MBOAT2: variants seen among roughly 807,000 people sequenced by gnomAD.
MBOAT2 encodes the protein membrane-bound glycerophospholipid O-acyltransferase 2.
Under a neutral mutation model 63.4 loss-of-function variants are expected in MBOAT2, and 28 were observed. That is an observed-to-expected ratio of 0.44 (90% confidence interval 0.33 to 0.61). The LOEUF is 0.61. Ranked by LOEUF, MBOAT2 falls within the 20% of genes least tolerant of loss-of-function variation. MBOAT2 has a pLI of 0.03. For synonymous variants in MBOAT2, 211 were observed against 215.6 expected (o/e 0.98, Z 0.19); for missense variants, 470 against 605.8 (o/e 0.78, Z 2.35).
chr2:8,942,490 T>G (rs1041296157), intron 3 of MBOAT2, among the ~76,000 whole-genome samples: 7 of 152,210 alleles, frequency 4.6e-5, no homozygotes, highest in Admixed American at 2.0e-4. Flanking sequence ...ATGTCTTAGT[T>G]ACCAATCTCC....
intron 4 of MBOAT2, among the ~76,000 whole-genome samples, chr2:8,894,862 G>T (rs766405564): frequency 1.3e-5 from 2 of 151,474 alleles, no homozygotes; most frequent in Non-Finnish European, 2.9e-5. Flanking sequence ...TCTTAAAGGC[G>T]GCACGTCTGG....
chr2:8,994,275 T>G (rs919395840), intron 1 of MBOAT2, among the ~76,000 whole-genome samples: 7 of 151,472 alleles, frequency 4.6e-5, no homozygotes, highest in African/African-American at 1.7e-4. Context: ...GTTATCAGAG[T>G]AGAATACAGT....
chr2:8,925,278 G>A (rs1196252558), intron 3 of MBOAT2, among the ~76,000 whole-genome samples: 1 of 152,118 alleles, frequency 6.6e-6, no homozygotes, highest in African/African-American at 2.4e-5. Flanking sequence ...CCACCTGCCT[G>A]CACACAAGAT....
At chr2:8,959,539 GCAGCCTCTAC>G (rs1669470970) in intron 1 of MBOAT2, among the ~76,000 whole-genome samples, 1 of 150,178 alleles carries the variant, frequency 6.7e-6, no homozygotes, top group Non-Finnish European at 1.5e-5. Flanking sequence ...ACAGCTCACT[GCAGCCTCTAC>G]CTCCCGGGCT....
chr2:8,935,068 C>T (rs779381450), intron 3 of MBOAT2, among the ~76,000 whole-genome samples: 2 of 152,152 alleles, frequency 1.3e-5, no homozygotes, highest in Admixed American at 6.5e-5. Context: ...CATGGCAGCC[C>T]GAGCTGCCTC....
chr2:8,961,923 T>C (rs1449426627), intron 1 of MBOAT2, among the ~76,000 whole-genome samples: 1 of 152,084 alleles, frequency 6.6e-6, no homozygotes, highest in African/African-American at 2.4e-5. Flanking sequence ...GCCAAGGCCA[T>C]ACTCCCTACA....
intron 1 of MBOAT2, among the ~76,000 whole-genome samples, chr2:8,980,914 C>T (rs1254433629): frequency 6.6e-6 from 1 of 152,120 alleles, no homozygotes; most frequent in African/African-American, 2.4e-5. Context: ...ATGTTCACAG[C>T]AGCATTATTC....
At chr2:8,970,277 A>G (rs1036037934) in intron 1 of MBOAT2, among the ~76,000 whole-genome samples, 1 of 152,264 alleles carries the variant, frequency 6.6e-6, no homozygotes, top group Non-Finnish European at 1.5e-5. Flanking sequence ...ATTACTGGGT[A>G]CATAACGAAA....
intron 3 of MBOAT2, among the ~76,000 whole-genome samples, chr2:8,933,804 A>T (rs1201358718): frequency 6.6e-6 from 1 of 152,142 alleles, no homozygotes. Context: ...TTTAGCAAAA[A>T]CGTGTATTAG....
intron 1 of MBOAT2, among the ~76,000 whole-genome samples, chr2:8,970,639 AAG>A (rs1444239888): frequency 6.6e-6 from 1 of 152,182 alleles, no homozygotes; most frequent in East Asian, 1.9e-4. Context: ...ACTAATAAAG[AAG>A]AAATGAGAGA....
intron 4 of MBOAT2, among the ~76,000 whole-genome samples, chr2:8,896,672 C>G (rs901783373): frequency 6.6e-6 from 1 of 152,214 alleles, no homozygotes; most frequent in Non-Finnish European, 1.5e-5. Context: ...ACGGCTCCTT[C>G]CTGATTCTAT....
intron 2 of MBOAT2, among the ~76,000 whole-genome samples, chr2:8,954,412 AAGAGCAGGGCCAAAC>A (rs1669062537): frequency 6.6e-6 from 1 of 152,058 alleles, no homozygotes; most frequent in Non-Finnish European, 1.5e-5. Flanking sequence ...AGGGGCCACA[AAGAGCAGGGCCAAAC>A]AGAGCAGGTT....
At chr2:8,910,187 CAA>C (rs901972574) in intron 3 of MBOAT2, among the ~76,000 whole-genome samples, 3 of 151,952 alleles carry the variant, frequency 2.0e-5, no homozygotes, top group Admixed American at 6.5e-5. Flanking sequence ...AGAGAAAGAA[CAA>C]GAGAGAAAAG....
chr2:8,863,770 G>T (rs960320044), intron 10 of MBOAT2, among the ~76,000 whole-genome samples: 3 of 152,134 alleles, frequency 2.0e-5, no homozygotes, highest in Non-Finnish European at 4.4e-5. Flanking sequence ...AAGATTTGTT[G>T]AATTGAAATA....
At chr2:8,900,764 C>G (rs990629925) in intron 4 of MBOAT2, among the ~76,000 whole-genome samples, 1 of 152,154 alleles carries the variant, frequency 6.6e-6, no homozygotes, top group African/African-American at 2.4e-5. Context: ...AAAGAAAGCT[C>G]AGACATAAGG....
intron 1 of MBOAT2, among the ~76,000 whole-genome samples, chr2:8,985,648 T>G (rs1671514303): frequency 1.3e-5 from 2 of 152,166 alleles, no homozygotes; most frequent in African/African-American, 4.8e-5. Flanking sequence ...TCCTTCAGTC[T>G]TCTCTTTTTC....
At chr2:8,914,125 GCAAAGGCAT>G (rs1164909582) in intron 3 of MBOAT2, among the ~76,000 whole-genome samples, 4 of 152,174 alleles carry the variant, frequency 2.6e-5, no homozygotes, top group Middle Eastern at 3.2e-3. Context: ...CTATGAGGAT[GCAAAGGCAT>G]CAGAATGATA....
intron 3 of MBOAT2, among the ~76,000 whole-genome samples, chr2:8,932,209 T>A (rs1172007064): frequency 6.6e-6 from 1 of 152,168 alleles, no homozygotes; most frequent in Non-Finnish European, 1.5e-5. Context: ...TTTAGTCAGT[T>A]GATATTAAAA....
intron 1 of MBOAT2, among the ~76,000 whole-genome samples, chr2:8,981,049 T>C (rs576349140): frequency 1.3e-5 from 2 of 152,110 alleles, no homozygotes; most frequent in East Asian, 1.9e-4. Flanking sequence ...CAAAGATAGA[T>C]AAACCTTGAA....
Sources: gnomAD v4.1 joint callset for allele counts (sites outside exome capture counted in the v4.1 genomes callset) on GRCh38, gnomAD v4.1.1 for gene constraint, MANE v1.5 for transcripts, NCBI Gene and HGNC (gene_info 2026-07-23, HGNC 2026-07-21) for gene names.